TRIM5: variants seen among roughly 807,000 people sequenced by gnomAD.
TRIM5 encodes the protein tripartite motif-containing protein 5.
Under a neutral mutation model 35.6 loss-of-function variants are expected in TRIM5, and 31 were observed. The ratio of observed to expected loss-of-function variants is 0.87; its 90% CI spans 0.65 to 1.18. The LOEUF (loss-of-function observed/expected upper bound fraction) is 1.18. Ranked by LOEUF, TRIM5 falls within the 50% of genes most tolerant of loss-of-function variation. The pLI, the probability that TRIM5 is intolerant of heterozygous loss-of-function variation, is 0.00. For missense variants in TRIM5, 609 were observed against 591.6 expected (o/e 1.03, Z -0.31); for synonymous variants, 243 against 215.6 (o/e 1.13, Z -1.11).
At chr11:5,647,985 G>A in the TRIM5 span, among the ~76,000 whole-genome samples, 48 of 151,996 alleles carry the variant, frequency 3.2e-4, no homozygotes, top group Non-Finnish European at 5.3e-4. Context: ...ATTTATTCTC[G>A]GTAGTTTTAG....
In TRIM5 at chr11:5,678,278, G is replaced by T; in HGVS notation, c.670C>A (p.Gln224Lys). 1 of 1,614,128 alleles carries T rather than the reference G, an allele frequency of 6.2e-7. No homozygotes were observed. Among genetic ancestry groups the T allele is most frequent in the Non-Finnish European group, 8.5e-7 (1 of 1,179,998 alleles). The change falls in exon 4 of 8, where the codon CAG becomes AAG. Residue 224 changes from glutamine (Q) to lysine (K), a missense_variant. Gln to Lys is a moderately conservative substitution (Grantham distance 53). Coordinates refer to ENST00000380034, the MANE Select transcript of TRIM5 (RefSeq NM_033034.3). ...ATGAGCTCTCTCAGGGACTGGGTCT[G>T]CTGCACCATCTCAGTTTCAGAGTTC... is the stretch of plus-strand genomic sequence containing the variant. The part of the protein sequence containing the change: ...LTNSETEMVQ[Q>K]TQSLRELISD...
the TRIM5 span, chr11:5,610,346 G>C: frequency 6.3e-7 from 1 of 1,582,678 alleles, no homozygotes; most frequent in Admixed American, 1.7e-5. Context: ...TAGTGGCAAA[G>C]AGGGAGGTCC....
chr11:5,595,742 G>C, the TRIM5 span, among the ~76,000 whole-genome samples: 1 of 149,474 alleles, frequency 6.7e-6, no homozygotes, highest in Non-Finnish European at 1.5e-5. Flanking sequence ...TTTTGAGAGA[G>C]AGTCTCGCTC....
the TRIM5 span, among the ~76,000 whole-genome samples, chr11:5,592,813 A>T: frequency 6.7e-6 from 1 of 149,492 alleles, no homozygotes; most frequent in Non-Finnish European, 1.5e-5. Flanking sequence ...GCTACTTGAG[A>T]GGCTGAAGTG....
chr11:5,678,416 T>C lies in TRIM5; in HGVS notation c.532A>G (p.Lys178Glu). 1.3e-6 allele frequency: 2 copies of C among 1,578,916 alleles called. No individual in the cohort carries two copies. The highest frequency in any genetic ancestry group is 4.5e-5 in the East Asian group (2 of 44,364). ...TCAAAATCTGCCAAGACGTTGGTTTTGTCATACTGTATTTGAGTCTTCAGA... is the reference window on the plus strand; with the variant it reads ...TCAAAATCTGCCAAGACGTTGGTTTCGTCATACTGTATTTGAGTCTTCAGA... ...ASWKTQIQYD[K>E]TNVLADFEQL... Residue 178 changes from lysine (K) to glutamate (E), a missense_variant, in exon 4 of 8, where the codon AAA becomes GAA. By Grantham distance (56) the Lys-to-Glu change is moderately conservative (BLOSUM62 1). Transcript: ENST00000380034.
intron 1 of TRIM5, 75 bp from the exon 2 acceptor site, chr11:5,680,313 T>C: frequency 2.3e-6 from 2 of 865,004 alleles, no homozygotes; most frequent in Non-Finnish European, 1.6e-6. Context: ...TGTGCACAAT[T>C]AGAAAATGGG....
the TRIM5 span, among the ~76,000 whole-genome samples, chr11:5,627,912 T>G: frequency 6.6e-6 from 1 of 152,188 alleles, no homozygotes; most frequent in Non-Finnish European, 1.5e-5. Context: ...AGACTTAAAG[T>G]TTGCATTATC....
rs772811318 is a variant in TRIM5, at chr11:5,664,810, C to G, written c.1481G>C (p.Ter494SerextTer50). ...AAGGGGCTGAGTGTGTAAGAAGGTT[C>G]AAGAGCTTGGTGAGCACAGAGTCAT... ...VPMTLCSPSS[*>S] The change falls in exon 8 of 8, where the codon TGA becomes TCA. Residue 494 changes from the stop codon to serine, a stop_lost. Transcript: ENST00000380034. 2.5e-6 allele frequency: 4 copies of G among 1,583,880 alleles called. 1 individual carries two copies. The South Asian group carries it at 4.7e-5, about 19-fold the overall frequency.
the TRIM5 span, among the ~76,000 whole-genome samples, chr11:5,639,000 C>T: frequency 6.6e-6 from 1 of 152,014 alleles, no homozygotes; most frequent in Non-Finnish European, 1.5e-5. Context: ...CTATATCTAT[C>T]TTTAACTAGG....
At chr11:5,598,831 A>G in the TRIM5 span, among the ~76,000 whole-genome samples, 1 of 152,132 alleles carries the variant, frequency 6.6e-6, no homozygotes, top group South Asian at 2.1e-4. Context: ...TAAGTTACAA[A>G]TTGTAAGCAT....
chr11:5,655,058 T>C, the TRIM5 span, among the ~76,000 whole-genome samples: 1 of 151,960 alleles, frequency 6.6e-6, no homozygotes, highest in African/African-American at 2.4e-5. Flanking sequence ...CTGGGCGTGG[T>C]GGCGGGCACC....
chr11:5,643,735 C>T, the TRIM5 span: 1 of 1,549,870 alleles, frequency 6.5e-7, no homozygotes, highest in Non-Finnish European at 8.7e-7. Flanking sequence ...CACCTACAAC[C>T]CTTTGTCTTG....
chr11:5,668,983 C>A (rs1590234191), intron 4 of TRIM5, among the ~76,000 whole-genome samples: 1 of 151,976 alleles, frequency 6.6e-6, no homozygotes, highest in East Asian at 1.9e-4. Context: ...TCTTATACCA[C>A]ATTGTCCATA....
At chr11:5,641,083 T>A in the TRIM5 span, 1 of 1,491,538 alleles carries the variant, frequency 6.7e-7, no homozygotes, top group South Asian at 1.4e-5. Context: ...TTTTTCCATT[T>A]TTTTTCCTAC....
the TRIM5 span, among the ~76,000 whole-genome samples, chr11:5,653,699 G>A: frequency 6.6e-6 from 1 of 151,786 alleles, no homozygotes; most frequent in East Asian, 1.9e-4. Flanking sequence ...TACCGTGTTG[G>A]TCAGGCTGGT....
the TRIM5 span, among the ~76,000 whole-genome samples, chr11:5,592,929 AAG>A: frequency 2.0e-4 from 27 of 132,662 alleles, no homozygotes; most frequent in Middle Eastern, 3.5e-3. Flanking sequence ...AAAAAAAAAA[AAG>A]AAAAAAGAAA....
chr11:5,672,525 T>C (rs1043030073), intron 4 of TRIM5, among the ~76,000 whole-genome samples: 1 of 152,176 alleles, frequency 6.6e-6, no homozygotes, highest in Non-Finnish European at 1.5e-5. Flanking sequence ...CCCATAAATA[T>C]TTCTTCCCAA....
the TRIM5 span, chr11:5,643,747 C>T: frequency 6.5e-7 from 1 of 1,532,536 alleles, no homozygotes; most frequent in Non-Finnish European, 8.7e-7. Flanking sequence ...TTTGTCTTGA[C>T]TTATCTCCTG....
intron 4 of TRIM5, chr11:5,669,913 T>C: frequency 5.2e-6 from 1 of 194,132 alleles, no homozygotes; most frequent in Non-Finnish European, 1.1e-5. Flanking sequence ...AGGCGGAGGT[T>C]GCAGTTATCC....
Sources: allele counts gnomAD v4.1 joint callset (sites outside exome capture counted in the v4.1 genomes callset), GRCh38; gene constraint gnomAD v4.1.1; transcripts MANE v1.5; gene names NCBI Gene and HGNC (gene_info 2026-07-23, HGNC 2026-07-21).